Variants in RNFT2 observed in about 807,000 individuals in gnomAD.
The protein encoded by RNFT2 is E3 ubiquitin-protein ligase RNFT2.
A neutral mutation model predicts 53.0 loss-of-function variants in RNFT2; 36 were observed. That is an observed-to-expected ratio of 0.68 (90% confidence interval 0.52 to 0.90). RNFT2 has a LOEUF of 0.90. Ranked by LOEUF, RNFT2 falls within the 40% of genes least tolerant of loss-of-function variation. The pLI is 0.00. For synonymous variants in RNFT2, 260 were observed against 253.2 expected (o/e 1.03, Z -0.26); for missense variants, 514 against 585.6 (o/e 0.88, Z 1.26).
chr12:116,814,678 A>T (rs978150018), intron 7 of RNFT2, among the ~76,000 whole-genome samples: 3 of 145,634 alleles, frequency 2.1e-5, no homozygotes, highest in Admixed American at 6.9e-5. Context: ...GCCGTATGAT[A>T]TTTTTTTTTT....
chr12:116,818,720 G>C (rs1875827204), intron 7 of RNFT2, among the ~76,000 whole-genome samples: 2 of 152,168 alleles, frequency 1.3e-5, no homozygotes, highest in Non-Finnish European at 2.9e-5. Context: ...CTCTGCTGTA[G>C]AGTCAAGTCA....
chr12:116,739,179 A>G (rs534262732), intron 1 of RNFT2, among the ~76,000 whole-genome samples: 4 of 152,172 alleles, frequency 2.6e-5, no homozygotes, highest in Non-Finnish European at 5.9e-5. Context: ...TATATCCACA[A>G]TATTGGCTCT....
intron 3 of RNFT2, among the ~76,000 whole-genome samples, chr12:116,746,463 G>A (rs1013723863): frequency 3.3e-5 from 5 of 152,166 alleles, no homozygotes; most frequent in African/African-American, 1.2e-4. Context: ...TGACATGAGG[G>A]TGCAGTGAGA....
At chr12:116,842,391 G>A (rs1877393266) in intron 10 of RNFT2, among the ~76,000 whole-genome samples, 1 of 152,030 alleles carries the variant, frequency 6.6e-6, no homozygotes, top group African/African-American at 2.4e-5. Context: ...CCTCTCACAT[G>A]CCCGAGGTTG....
intron 5 of RNFT2, among the ~76,000 whole-genome samples, chr12:116,760,565 C>A (rs1057320933): frequency 6.6e-6 from 1 of 152,134 alleles, no homozygotes; most frequent in Non-Finnish European, 1.5e-5. Flanking sequence ...ATTGACTCAG[C>A]GCCAGATAAA....
intron 6 of RNFT2, among the ~76,000 whole-genome samples, chr12:116,772,947 G>C (rs1179388801): frequency 1.3e-5 from 2 of 152,146 alleles, no homozygotes; most frequent in Non-Finnish European, 2.9e-5. Context: ...TCCTGCCTCA[G>C]CCTCTCAAGT....
intron 10 of RNFT2, among the ~76,000 whole-genome samples, chr12:116,842,878 T>C (rs576086420): frequency 1.3e-5 from 2 of 152,276 alleles, no homozygotes; most frequent in East Asian, 3.9e-4. Flanking sequence ...CCGGCGTGTT[T>C]ATACTTTATA....
chr12:116,849,474 G>T lies in RNFT2; in HGVS notation c.*26G>T. 1 of 1,563,868 alleles carries T rather than the reference G, an allele frequency of 6.4e-7. No individual in the cohort carries two copies. Among genetic ancestry groups the T allele is most frequent in the Non-Finnish European group, 8.7e-7 (1 of 1,152,194 alleles). ...GACCGAACACTGAGGACACCCAGAA[G>T]GACGCCAAGGGTCAGCATGCCCGGA... On this transcript the variant is annotated 3_prime_UTR_variant, in exon 11 of 11. Transcript: ENST00000257575.
At chr12:116,758,803 G>T (rs528027400) in intron 5 of RNFT2, among the ~76,000 whole-genome samples, 1 of 152,132 alleles carries the variant, frequency 6.6e-6, no homozygotes, top group Non-Finnish European at 1.5e-5. Flanking sequence ...TGTTTCCTTC[G>T]TTTTAACTTT....
intron 7 of RNFT2, among the ~76,000 whole-genome samples, chr12:116,802,192 C>T (rs1565864710): frequency 6.6e-6 from 1 of 152,196 alleles, no homozygotes; most frequent in African/African-American, 2.4e-5. Flanking sequence ...TTATCCCCTA[C>T]TCACACACTC....
intron 7 of RNFT2, among the ~76,000 whole-genome samples, chr12:116,795,469 C>T (rs1337745400): frequency 2.0e-5 from 3 of 151,750 alleles, no homozygotes; most frequent in Admixed American, 2.0e-4. Context: ...GATCCGGGAA[C>T]TGCGCTGTCT....
chr12:116,788,906 GTGAT>G (rs1874065316), intron 7 of RNFT2, among the ~76,000 whole-genome samples: 1 of 150,822 alleles, frequency 6.6e-6, no homozygotes, highest in Non-Finnish European at 1.5e-5. Context: ...TGGGAGGAGA[GTGAT>G]GGATGGATGG....
At chr12:116,788,812 GTGGATGGATGGATAGATGGA>G (rs1322361388) in intron 7 of RNFT2, among the ~76,000 whole-genome samples, 1 of 98,964 alleles carries the variant, frequency 1.0e-5, no homozygotes, top group Non-Finnish European at 2.1e-5. Flanking sequence ...GGGAAGTTTG[GTGGATGGATGGATAGATGGA>G]TGGATGGATG....
chr12:116,743,272 A>AT (rs1386475480), intron 3 of RNFT2, among the ~76,000 whole-genome samples: 100 of 117,660 alleles, frequency 8.5e-4, no homozygotes, highest in Middle Eastern at 8.6e-3. Context: ...ATGAGCTAGA[A>AT]TTTTTTTTTT....
intron 7 of RNFT2, among the ~76,000 whole-genome samples, chr12:116,813,823 G>A (rs1875505112): frequency 6.6e-6 from 1 of 152,314 alleles, no homozygotes; most frequent in African/African-American, 2.4e-5. Flanking sequence ...GAGTCAAGCA[G>A]GTTCCATTCC....
In RNFT2 at chr12:116,846,409, G is replaced by A. The variant is rs140649861; in HGVS notation, c.1201-2905G>A. 1.4e-3 allele frequency among the ~76,000 whole-genome samples: 212 copies of A among 146,672 alleles called. 6 individuals carry two copies. In the East Asian group the frequency reaches 0.035, roughly 24 times the overall value. On this transcript the variant is annotated intron_variant, in intron 10 of 10. Coordinates refer to ENST00000257575, the MANE Select transcript of RNFT2 (RefSeq NM_001382266.1). ...ACCACTTCAGCCTCCCAAGTAGCTG[G>A]GACGGCACATGCCACCATGCCCAGC... is the stretch of plus-strand genomic sequence containing the variant.
Position 116,851,461 on chromosome 12 carries a change from G to C in RNFT2, c.*2013G>C. The C allele has an allele frequency of 2.4e-6, 1 of 420,446 alleles. No individual in the cohort carries two copies. The highest frequency in any genetic ancestry group is 4.9e-5 in the East Asian group (1 of 20,528). The allele number at this position is 420,446 out of a possible 1,614,324, so 26.0% of individuals were successfully genotyped here. A position where few individuals can be genotyped will look rare whatever the true frequency, so the allele number is the denominator to read the frequency against. ...GTCTTCTAAAAGCACACGAGAGGCC[G>C]GGTGTGGTGGCCCATGCCTGTAGTG... On this transcript the variant is annotated 3_prime_UTR_variant, in exon 11 of 11. Coordinates refer to ENST00000257575, the MANE Select transcript of RNFT2 (RefSeq NM_001382266.1).
At chr12:116,796,751 T>C (rs1267008763) in intron 7 of RNFT2, among the ~76,000 whole-genome samples, 1 of 152,230 alleles carries the variant, frequency 6.6e-6, no homozygotes, top group African/African-American at 2.4e-5. Context: ...CATCTGTCTA[T>C]GCTGGGGCAG....
chr12:116,767,012 T>C (rs1236365278), intron 6 of RNFT2, 98 bp downstream of exon 6: 1 of 772,638 alleles, frequency 1.3e-6, no homozygotes, highest in Non-Finnish European at 2.1e-6. Context: ...ACAAGCTCTA[T>C]GTCATGTTGT....
Sources: allele counts gnomAD v4.1 joint callset (sites outside exome capture counted in the v4.1 genomes callset), GRCh38; gene constraint gnomAD v4.1.1; transcripts MANE v1.5; gene names NCBI Gene and HGNC (gene_info 2026-07-23, HGNC 2026-07-21).